Variants in RBFOX3 observed in about 807,000 individuals in gnomAD.
RBFOX3 encodes RNA binding protein fox-1 homolog 3.
Under a neutral mutation model 48.7 loss-of-function variants are expected in RBFOX3, and 17 were observed. The ratio of observed to expected loss-of-function variants is 0.35; its 90% confidence interval spans 0.24 to 0.52. The LOEUF (loss-of-function observed/expected upper bound fraction) is 0.52. RBFOX3 is among the 20% of genes least tolerant of loss of function. The probability of loss-of-function intolerance (pLI) is 0.94; values close to 1 mark genes in which losing one functional copy is unlikely to be tolerated. For missense variants in RBFOX3, 382 were observed against 497.5 expected (o/e 0.77, Z 2.21); for synonymous variants, 212 against 209.5 (o/e 1.01, Z -0.10).
intron 4 of RBFOX3, among the ~76,000 whole-genome samples, chr17:79,226,436 T>C (rs1179244338): frequency 6.6e-6 from 1 of 152,246 alleles, no homozygotes; most frequent in East Asian, 1.9e-4. Context: ...TTTGTAATGG[T>C]TGGTATTCAC....
chr17:79,384,634 G>C (rs1183523215), intron 2 of RBFOX3, among the ~76,000 whole-genome samples: 1 of 152,200 alleles, frequency 6.6e-6, no homozygotes, highest in Non-Finnish European at 1.5e-5. Flanking sequence ...CGCATCTGGG[G>C]ACCAAGGCGG....
At chr17:79,266,045 C>T (rs1600300676) in intron 3 of RBFOX3, among the ~76,000 whole-genome samples, 1 of 152,366 alleles carries the variant, frequency 6.6e-6, no homozygotes, top group Middle Eastern at 3.4e-3. Flanking sequence ...GGCTGCTCAC[C>T]CGGACCGGGC....
intron 2 of RBFOX3, among the ~76,000 whole-genome samples, chr17:79,343,524 A>AAAAC (rs200919607): frequency 3.3e-5 from 5 of 152,094 alleles, no homozygotes; most frequent in African/African-American, 7.2e-5. Flanking sequence ...CTCAAAAGAA[A>AAAAC]AAACAAACAA....
At chr17:79,163,725 T>C (rs138299204) in intron 4 of RBFOX3, among the ~76,000 whole-genome samples, 27 of 151,410 alleles carry the variant, frequency 1.8e-4, no homozygotes, top group African/African-American at 6.3e-4. Flanking sequence ...TCCTGGCTGA[T>C]GCGGAAGCTT....
rs562319242 is a variant in RBFOX3 at position 79,100,636 on chromosome 17, C to T, written c.568+948G>A. On this transcript the variant is annotated intron_variant, in intron 9 of 14. Transcript: ENST00000693108. ...GGGGGTGACACCGTCTGAAAGTCCA[C>T]GGCAACAGGGAGATCCATCCCGTCT... Among the ~76,000 whole-genome samples the T allele has an allele frequency of 2.5e-4, 38 of 152,328 alleles. No individual in the cohort carries two copies. The East Asian group carries it at 4.1e-3, about 16-fold the overall frequency.
chr17:79,453,142 C>T (rs955856416), intron 2 of RBFOX3, among the ~76,000 whole-genome samples: 2 of 152,226 alleles, frequency 1.3e-5, no homozygotes, highest in Non-Finnish European at 1.5e-5. Context: ...TCTGTAAACC[C>T]GGGATGAAAT....
intron 1 of RBFOX3, among the ~76,000 whole-genome samples, chr17:79,570,673 C>T (rs2092642608): frequency 6.6e-6 from 1 of 152,180 alleles, no homozygotes; most frequent in South Asian, 2.1e-4. Flanking sequence ...GACAGCATTT[C>T]CAAAGTGACA....
chr17:79,620,591 A>G, the RBFOX3 span, among the ~76,000 whole-genome samples: 79,259 of 141,022 alleles, frequency 0.56, 22,299 homozygotes, highest in Non-Finnish European at 0.62. Flanking sequence ...GCACGCACAC[A>G]CACGCACGCA....
intron 4 of RBFOX3, among the ~76,000 whole-genome samples, chr17:79,216,979 C>A (rs369667864): frequency 2.0e-4 from 30 of 152,314 alleles, no homozygotes; most frequent in East Asian, 1.2e-3. Flanking sequence ...CAGGGGGTAT[C>A]CCCAGGTGAA....
At chr17:79,216,261 G>A (rs1213547664) in intron 4 of RBFOX3, among the ~76,000 whole-genome samples, 1 of 152,254 alleles carries the variant, frequency 6.6e-6, no homozygotes, top group African/African-American at 2.4e-5. Context: ...CTGTGAGGAG[G>A]CTCTGAGAGC....
rs1405340892 is a variant in RBFOX3 at position 79,471,009 on chromosome 17, A to G, written c.-175+11445T>C. On this transcript the variant is annotated intron_variant, in intron 2 of 14. Coordinates refer to ENST00000693108, the MANE Select transcript of RBFOX3 (RefSeq NM_001350451.2). The surrounding 1 kb of genome is among the most constrained non-coding windows in gnomAD (Gnocchi z 4.0). Reference sequence around the variant, plus strand: ...GCATGTTCTAGCTCTGTGATGCACCACCACGAAAAAAATAACAGCAGAACC... The same window carrying G: ...GCATGTTCTAGCTCTGTGATGCACCGCCACGAAAAAAATAACAGCAGAACC... Among the ~76,000 whole-genome samples the G allele has an allele frequency of 1.3e-5, 2 of 148,300 alleles. No homozygotes were observed. Among genetic ancestry groups the G allele is most frequent in the African/African-American group, 2.7e-5 (1 of 37,616 alleles).
At chr17:79,446,168 A>C (rs972899474) in intron 2 of RBFOX3, among the ~76,000 whole-genome samples, 27 of 152,146 alleles carry the variant, frequency 1.8e-4, no homozygotes, top group African/African-American at 6.0e-4. Flanking sequence ...TGGTCGGTCA[A>C]GCTGAGAGCA....
At chr17:79,164,222 C>T (rs112637527) in intron 4 of RBFOX3, among the ~76,000 whole-genome samples, 3,186 of 152,294 alleles carry the variant, frequency 0.021, 37 homozygotes, top group Non-Finnish European at 0.029. Context: ...CTGGCAGGGG[C>T]GGTGGCGGTA....
At chr17:79,651,546 G>A in the RBFOX3 span, among the ~76,000 whole-genome samples, 4 of 151,906 alleles carry the variant, frequency 2.6e-5, no homozygotes, top group African/African-American at 7.3e-5. Flanking sequence ...TGGCACTTCC[G>A]AGATTAAGCT....
chr17:79,294,628 A>G (rs1328241352), intron 3 of RBFOX3, among the ~76,000 whole-genome samples: 1 of 152,158 alleles, frequency 6.6e-6, no homozygotes, highest in African/African-American at 2.4e-5. Context: ...GAGAAACAGG[A>G]AAGATGCGGA....
At chr17:79,449,026 G>A (rs1214974499) in intron 2 of RBFOX3, among the ~76,000 whole-genome samples, 1 of 152,048 alleles carries the variant, frequency 6.6e-6, no homozygotes, top group East Asian at 1.9e-4. Context: ...CTCGGCCACT[G>A]GGTTGGAGCT....
chr17:79,649,883 AG>A, the RBFOX3 span, among the ~76,000 whole-genome samples: 1 of 152,122 alleles, frequency 6.6e-6, no homozygotes, highest in Non-Finnish European at 1.5e-5. Flanking sequence ...ATGGTGGAGC[AG>A]GAACAAGCAG....
intron 3 of RBFOX3, among the ~76,000 whole-genome samples, chr17:79,290,368 A>G (rs964668986): frequency 3.3e-5 from 5 of 152,134 alleles, no homozygotes; most frequent in African/African-American, 9.7e-5. Context: ...CGGGTAAGCC[A>G]TCGAGCCTCT....
intron 1 of RBFOX3, among the ~76,000 whole-genome samples, chr17:79,590,545 A>G (rs2093386104): frequency 6.6e-6 from 1 of 151,996 alleles, no homozygotes; most frequent in East Asian, 1.9e-4. Flanking sequence ...TGAAATGTAA[A>G]TTGCCTTCCC....
Sources: gnomAD v4.1 joint callset for allele counts (sites outside exome capture counted in the v4.1 genomes callset) on GRCh38, gnomAD v4.1.1 for gene constraint, Gnocchi (gnomAD v3.1) non-coding constraint, MANE v1.5 for transcripts, NCBI Gene and HGNC (gene_info 2026-07-23, HGNC 2026-07-21) for gene names.